Variants in JAK2 observed in about 807,000 individuals in gnomAD.
JAK2 encodes the protein Janus kinase 2.
In JAK2, 86 loss-of-function variants were observed where a neutral mutation model predicts 139.3. That is an observed-to-expected ratio of 0.62 (90% confidence interval 0.52 to 0.74). The LOEUF is 0.74. JAK2 is among the 30% of genes least tolerant of loss of function. The pLI is 0.00. For synonymous variants in JAK2, 490 were observed against 437.7 expected (o/e 1.12, Z -1.49); for missense variants, 1,421 against 1,360.3 (o/e 1.04, Z -0.70).
chr9:4,987,405 C>A (rs1358761210), intron 2 of JAK2, among the ~76,000 whole-genome samples: 2 of 152,104 alleles, frequency 1.3e-5, no homozygotes, highest in East Asian at 3.8e-4. Flanking sequence ...GGAGTGAGAT[C>A]TGGATTTGAA....
intron 19 of JAK2, chr9:5,085,595 C>A (rs567801202): frequency 2.9e-6 from 2 of 696,064 alleles, no homozygotes; most frequent in Admixed American, 2.0e-5. Flanking sequence ...CCTATAGATA[C>A]TACAGAAAGA....
intron 9 of JAK2, among the ~76,000 whole-genome samples, chr9:5,065,336 T>C (rs1818493389): frequency 6.6e-6 from 1 of 152,224 alleles, no homozygotes; most frequent in African/African-American, 2.4e-5. Flanking sequence ...CAATTTATGT[T>C]TTATTAATTT....
At chr9:5,051,509 C>A (rs1329178061) in intron 6 of JAK2, among the ~76,000 whole-genome samples, 1 of 152,090 alleles carries the variant, frequency 6.6e-6, no homozygotes, top group Non-Finnish European at 1.5e-5. Context: ...TTGAAGCCCA[C>A]AAATATGAAT....
chr9:5,091,646 T>C (rs1436372361), intron 22 of JAK2: 1 of 152,186 alleles, frequency 6.6e-6, no homozygotes, highest in Admixed American at 6.5e-5. Context: ...TTTGGTCAGA[T>C]ACAGTAATGG....
chr9:5,097,187 AT>A (rs1821066840), intron 22 of JAK2: 1 of 152,180 alleles, frequency 6.6e-6, no homozygotes, highest in South Asian at 2.1e-4. Flanking sequence ...CCCCAGCCAT[AT>A]CCCAATATCA....
At position 5,066,814 on chromosome 9, in the gene JAK2, G is replaced by C. The variant is rs755969423; in HGVS notation, c.1326+25G>C. 3.5e-5 allele frequency: 36 copies of C among 1,042,728 alleles called. No individual in the cohort carries two copies. The Admixed American group carries it at 8.9e-4, about 26-fold the overall frequency. 64.6% of individuals were successfully genotyped at this position (1,042,728 alleles called of 1,614,324 possible). A position where few individuals can be genotyped will look rare whatever the true frequency, so the allele number is the denominator to read the frequency against. Reference sequence around the variant, plus strand: ...GGTTAGTATGTCACACTTATTAGTGGTAACACTTTATTTAGTTCATTTAAT... The same window carrying C: ...GGTTAGTATGTCACACTTATTAGTGCTAACACTTTATTTAGTTCATTTAAT... On this transcript the variant is annotated intron_variant, in intron 10 of 24. Coordinates refer to ENST00000381652, the MANE Select transcript of JAK2 (RefSeq NM_004972.4).
At chr9:5,116,417 C>T (rs1300223417) in intron 22 of JAK2, among the ~76,000 whole-genome samples, 2 of 152,100 alleles carry the variant, frequency 1.3e-5, no homozygotes, top group East Asian at 1.9e-4. Flanking sequence ...ATTAGAACTG[C>T]GTTCATCTAA....
chr9:5,089,912 A>T (rs1439159159), intron 20 of JAK2, 49 bp downstream of exon 20: 2 of 1,259,536 alleles, frequency 1.6e-6, no homozygotes, highest in Non-Finnish European at 2.1e-6. Context: ...TGTGTTTGGC[A>T]TCCTGTGTAA....
chr9:5,068,946 T>A (rs970600701), intron 10 of JAK2, 76 bp from the exon 11 acceptor site: 5 of 795,126 alleles, frequency 6.3e-6, no homozygotes, highest in Non-Finnish European at 9.9e-6. Flanking sequence ...GTTCTTGTGA[T>A]ATCATTTTGT....
intron 22 of JAK2, among the ~76,000 whole-genome samples, chr9:5,117,811 T>G (rs1415256054): frequency 6.6e-6 from 1 of 152,176 alleles, no homozygotes; most frequent in Non-Finnish European, 1.5e-5. Context: ...TCAAAAGCTT[T>G]GAGAACTACT....
Position 5,129,812 on chromosome 9 carries a change from T to C in JAK2, c.*3021T>C, listed in dbSNP as rs1824224350. Among the ~76,000 whole-genome samples the C allele has an allele frequency of 6.6e-6, 1 of 152,194 alleles. No homozygotes were observed. Among genetic ancestry groups the C allele is most frequent in the Admixed American group, 6.5e-5 (1 of 15,288 alleles). ...TACATCAGTCAAATTCATGTATGTA[T>C]ATCATATAGCCTTTAACTTTTTACA... is the stretch of plus-strand genomic sequence containing the variant. On this transcript the variant is annotated 3_prime_UTR_variant, in exon 25 of 25. Transcript: ENST00000381652.
At chr9:5,056,365 A>G (rs1817764675) in intron 8 of JAK2, among the ~76,000 whole-genome samples, 1 of 152,030 alleles carries the variant, frequency 6.6e-6, no homozygotes, top group Non-Finnish European at 1.5e-5. Context: ...TTTCTCATTT[A>G]TCTTCTCTGT....
At chr9:5,049,813 G>T (rs1469348639) in intron 5 of JAK2, among the ~76,000 whole-genome samples, 1 of 152,124 alleles carries the variant, frequency 6.6e-6, no homozygotes, top group Non-Finnish European at 1.5e-5. Flanking sequence ...AGTCTGTATG[G>T]TATAGCCTAT....
chr9:5,077,595 C>T lies in JAK2; in HGVS notation c.1992+15C>T. ...TGCATTTTCTAGTAAGTAGTACAACCTTTTTATCAAAAGATACTATTTTAT... is the reference window on the plus strand; with the variant it reads ...TGCATTTTCTAGTAAGTAGTACAACTTTTTTATCAAAAGATACTATTTTAT... On this transcript the variant is annotated intron_variant, in intron 15 of 24. Coordinates refer to ENST00000381652, the MANE Select transcript of JAK2 (RefSeq NM_004972.4). 6.9e-7 allele frequency: 1 copy of T among 1,445,574 alleles called. No individual in the cohort carries two copies. Among genetic ancestry groups the T allele is most frequent in the South Asian group, 1.5e-5 (1 of 65,278 alleles). 89.5% of individuals were successfully genotyped at this position (1,445,574 alleles called of 1,614,324 possible).
chr9:5,064,710 G>A (rs981978062), intron 8 of JAK2, among the ~76,000 whole-genome samples, 173 bp from the exon 9 acceptor site: 1 of 152,070 alleles, frequency 6.6e-6, no homozygotes, highest in Admixed American at 6.6e-5. Flanking sequence ...GTATTTAGGA[G>A]GATCTTAAAT....
chr9:5,021,023 C>T (rs1822386153), intron 2 of JAK2, among the ~76,000 whole-genome samples: 1 of 152,134 alleles, frequency 6.6e-6, no homozygotes, highest in Non-Finnish European at 1.5e-5. Context: ...ACTCCCAGGG[C>T]CCATGAAAGT....
intron 22 of JAK2, chr9:5,109,143 C>T (rs564780062): frequency 2.0e-4 from 30 of 152,172 alleles, no homozygotes; most frequent in Non-Finnish European, 4.4e-4. Context: ...CTACTCCCTA[C>T]ATGTACCAAT....
At chr9:5,041,576 C>A (rs1484544789) in intron 4 of JAK2, 1 of 509,574 alleles carries the variant, frequency 2.0e-6, no homozygotes, top group Non-Finnish European at 4.0e-6. Context: ...ACCTGCACTA[C>A]GTGCGGCGCC....
chr9:5,032,403 T>A (rs1233796851), intron 4 of JAK2, among the ~76,000 whole-genome samples: 3 of 152,168 alleles, frequency 2.0e-5, no homozygotes, highest in African/African-American at 7.2e-5. Flanking sequence ...GAGTAGTGGT[T>A]CTCCCAGAAT....
Sources: allele counts gnomAD v4.1 joint callset (sites outside exome capture counted in the v4.1 genomes callset), GRCh38; gene constraint gnomAD v4.1.1; transcripts MANE v1.5; gene names NCBI Gene and HGNC (gene_info 2026-07-23, HGNC 2026-07-21).